The following GRM7 variants were observed in gnomAD, a reference collection of about 807,000 sequenced individuals.
The protein encoded by GRM7 is glutamate metabotropic receptor 7.
Under a neutral mutation model 84.5 loss-of-function variants are expected in GRM7, and 35 were observed. The observed-to-expected ratio is 0.41, with a 90% CI of 0.32 to 0.55. The LOEUF (loss-of-function observed/expected upper bound fraction) is 0.55, where lower values mean the gene tolerates loss of function less well. GRM7 is among the 20% of genes least tolerant of loss of function. GRM7 has a pLI of 0.19. For missense variants in GRM7, 1,003 were observed against 1,194.6 expected (o/e 0.84, Z 2.36); for synonymous variants, 487 against 455.1 (o/e 1.07, Z -0.89).
intron 2 of GRM7, among the ~76,000 whole-genome samples, chr3:7,219,783 A>T (rs1696738325): frequency 6.6e-6 from 1 of 152,214 alleles, no homozygotes; most frequent in Non-Finnish European, 1.5e-5. Flanking sequence ...TAATACCATT[A>T]TCCAATGAGT....
chr3:7,459,079 T>C (rs1213879934), intron 6 of GRM7, among the ~76,000 whole-genome samples: 1 of 152,182 alleles, frequency 6.6e-6, no homozygotes, highest in East Asian at 1.9e-4. Context: ...GCTTAAGAGA[T>C]CCCTATTATG....
intron 5 of GRM7, among the ~76,000 whole-genome samples, chr3:7,415,411 G>T (rs1302559155): frequency 2.0e-5 from 3 of 152,062 alleles, no homozygotes; most frequent in East Asian, 3.9e-4. Flanking sequence ...TTCAGAAGGG[G>T]TCATGTTGCT....
At chr3:7,345,397 C>T (rs763750240) in intron 4 of GRM7, among the ~76,000 whole-genome samples, 1 of 151,894 alleles carries the variant, frequency 6.6e-6, no homozygotes, top group African/African-American at 2.4e-5. Context: ...CTGACTTAGC[C>T]TCCCAAATGG....
chr3:7,316,034 T>C lies in GRM7; in HGVS notation c.1033+9382T>C, dbSNP rs143316605. Among the ~76,000 whole-genome samples, 245 of 152,244 alleles carry C rather than the reference T, an allele frequency of 1.6e-3. 1 individual carries two copies. Among genetic ancestry groups the C allele is most frequent in the Non-Finnish European group, 2.4e-3 (165 of 68,014 alleles). ...TCTCATCAAGATGTCTTTTGATAAG[T>C]GATTTGAATAAATAAAGGAATTATC... On this transcript the variant is annotated intron_variant, in intron 4 of 9. Coordinates refer to ENST00000357716, the MANE Select transcript of GRM7 (RefSeq NM_000844.4).
intron 9 of GRM7, among the ~76,000 whole-genome samples, chr3:7,699,707 T>C (rs1490699334): frequency 6.6e-6 from 1 of 152,166 alleles, no homozygotes; most frequent in Non-Finnish European, 1.5e-5. Flanking sequence ...TTCTTAGCCC[T>C]CTTTATAAGA....
rs111605312 is a variant in GRM7 at position 7,456,771 on chromosome 3, C to T, written c.1375+3964C>T. Among the ~76,000 whole-genome samples, 421 of 151,936 alleles carry T rather than the reference C, an allele frequency of 2.8e-3. 4 individuals carry two copies. The highest frequency in any genetic ancestry group is 9.4e-3 in the African/African-American group (389 of 41,426). ...CTTTCTCTGAGGATATATTTTTCTT[C>T]CATATGACAGCTCAGAGACTTCTGG... On this transcript the variant is annotated intron_variant, in intron 6 of 9. Coordinates refer to ENST00000357716, the MANE Select transcript of GRM7 (RefSeq NM_000844.4).
chr3:7,118,456 T>G (rs1185846297), intron 1 of GRM7, among the ~76,000 whole-genome samples: 1 of 150,032 alleles, frequency 6.7e-6, no homozygotes, highest in Non-Finnish European at 1.5e-5. Flanking sequence ...TCTAAAATCC[T>G]TTTTAGAGAA....
chr3:7,113,139 C>A (rs544508372), intron 1 of GRM7, among the ~76,000 whole-genome samples: 2 of 152,068 alleles, frequency 1.3e-5, no homozygotes, highest in East Asian at 3.9e-4. Flanking sequence ...CTATAAAACA[C>A]ACTTAAAAAT....
intron 5 of GRM7, among the ~76,000 whole-genome samples, chr3:7,449,200 G>A (rs1317825390): frequency 6.6e-6 from 1 of 151,892 alleles, no homozygotes; most frequent in Non-Finnish European, 1.5e-5. Context: ...TGAAATACCA[G>A]TAAAATGATT....
At position 7,578,655 on chromosome 3, in the gene GRM7, A is replaced by T; in HGVS notation, c.1749A>T (p.Lys583Asn). The change falls in exon 8 of 10, where the codon AAA becomes AAT. Residue 583 changes from lysine to asparagine, a missense_variant. Physicochemically the swap from Lys to Asn is moderately conservative, Grantham distance 94. Coordinates refer to ENST00000357716, the MANE Select transcript of GRM7 (RefSeq NM_000844.4). ...GATGCCAGGATATTCCCATCATCAA[A>T]CTGGAGTGGCACTCCCCCTGGGCTG... ...RTGCQDIPII[K>N]LEWHSPWAVI... The T allele has an allele frequency of 6.2e-7, 1 of 1,613,894 alleles. No individual in the cohort carries two copies. The highest frequency in any genetic ancestry group is 8.5e-7 in the Non-Finnish European group (1 of 1,179,902).
intron 8 of GRM7, among the ~76,000 whole-genome samples, chr3:7,647,694 G>A (rs1698714081): frequency 6.6e-6 from 1 of 152,160 alleles, no homozygotes; most frequent in Non-Finnish European, 1.5e-5. Flanking sequence ...GGCAGTGAAG[G>A]TTAAGTAGGC....
At chr3:7,305,951 G>A (rs955758005) in intron 3 of GRM7, among the ~76,000 whole-genome samples, 11 of 151,856 alleles carry the variant, frequency 7.2e-5, no homozygotes, top group African/African-American at 2.7e-4. Flanking sequence ...TGCTCCCATT[G>A]TCCTGATTAT....
At chr3:6,932,370 C>T (rs997965440) in intron 1 of GRM7, among the ~76,000 whole-genome samples, 1 of 152,054 alleles carries the variant, frequency 6.6e-6, no homozygotes, top group East Asian at 1.9e-4. Context: ...GCTTTTTGTC[C>T]ATTTGCAAAG....
intron 5 of GRM7, among the ~76,000 whole-genome samples, chr3:7,417,325 C>T (rs1025808963): frequency 2.0e-5 from 3 of 152,014 alleles, no homozygotes; most frequent in Non-Finnish European, 4.4e-5. Context: ...TTACCATTAC[C>T]GTATCTCTTA....
intron 1 of GRM7, among the ~76,000 whole-genome samples, chr3:7,035,050 G>T (rs892033685): frequency 1.3e-5 from 2 of 152,154 alleles, no homozygotes; most frequent in Non-Finnish European, 2.9e-5. Flanking sequence ...GGCCAGGTCT[G>T]GAAGAGCAGG....
chr3:7,476,852 G>A (rs938055212), intron 7 of GRM7, among the ~76,000 whole-genome samples: 1 of 152,090 alleles, frequency 6.6e-6, no homozygotes, highest in African/African-American at 2.4e-5. Flanking sequence ...TCTGTGTCTT[G>A]TACACACCAT....
chr3:6,930,533 T>A (rs1267707397), intron 1 of GRM7, among the ~76,000 whole-genome samples: 2 of 152,202 alleles, frequency 1.3e-5, no homozygotes, highest in African/African-American at 4.8e-5. Flanking sequence ...ATTTTTTTAA[T>A]CTTAATAATG....
intron 2 of GRM7, among the ~76,000 whole-genome samples, chr3:7,239,305 A>G (rs1255455203): frequency 6.6e-6 from 1 of 152,008 alleles, no homozygotes; most frequent in East Asian, 1.9e-4. Context: ...CCAGTCTAAC[A>G]TCCACATTTC....
chr3:7,226,880 T>A (rs1402067173), intron 2 of GRM7, among the ~76,000 whole-genome samples: 5 of 152,182 alleles, frequency 3.3e-5, no homozygotes, highest in Non-Finnish European at 7.4e-5. Flanking sequence ...TTACAAACAT[T>A]GTTTCAGAAT....
Sources: allele counts gnomAD v4.1 joint callset (sites outside exome capture counted in the v4.1 genomes callset), GRCh38; gene constraint gnomAD v4.1.1; transcripts MANE v1.5; gene names NCBI Gene and HGNC (gene_info 2026-07-23, HGNC 2026-07-21).